ARHGEF12: variants seen among roughly 807,000 people sequenced by gnomAD.
ARHGEF12 encodes the protein KMT2A/ARHGEF12 fusion protein.
In ARHGEF12, 66 loss-of-function variants were observed where a neutral mutation model predicts 211.2. The ratio of observed to expected loss-of-function variants is 0.31; its 90% CI spans 0.26 to 0.38. The LOEUF (loss-of-function observed/expected upper bound fraction) is 0.38, where lower values mean the gene tolerates loss of function less well. ARHGEF12 is among the 10% of genes least tolerant of loss of function. The pLI is 1.00. For missense variants in ARHGEF12, 1,429 were observed against 1,869.5 expected, an observed-to-expected ratio of 0.76 and a Z score of 4.34; for synonymous variants, 592 against 638.4, an observed-to-expected ratio of 0.93 and a Z score of 1.09.
At chr11:120,376,854 T>C (rs1230797384) in intron 1 of ARHGEF12, among the ~76,000 whole-genome samples, 1 of 152,172 alleles carries the variant, frequency 6.6e-6, no homozygotes, top group East Asian at 1.9e-4. Context: ...TCAGATGTTT[T>C]AATTTTTAGC....
In ARHGEF12 at chr11:120,420,682, A is replaced by T. The variant is rs945642060; in HGVS notation, c.200-71A>T. On this transcript the variant is annotated intron_variant, in intron 4 of 40. Coordinates refer to ENST00000397843, the MANE Select transcript of ARHGEF12 (RefSeq NM_015313.3). ...CCAGATGGAACACAGTTTATTACTAATATATAATTATTGTCTTTTCCTTTC... is the reference window on the plus strand; with the variant it reads ...CCAGATGGAACACAGTTTATTACTATTATATAATTATTGTCTTTTCCTTTC... 4 of 1,256,360 alleles carry T rather than the reference A, an allele frequency of 3.2e-6. No homozygotes were observed. In the African/African-American group the frequency reaches 6.0e-5, roughly 19 times the overall value. The allele number at this position is 1,256,360 out of a possible 1,614,324, so 77.8% of individuals were successfully genotyped here.
At chr11:120,393,321 A>G (rs555751297) in intron 1 of ARHGEF12, among the ~76,000 whole-genome samples, 2 of 152,336 alleles carry the variant, frequency 1.3e-5, no homozygotes, top group South Asian at 4.1e-4. Context: ...AAGATGATAG[A>G]CTTAAATACA....
At chr11:120,460,616 G>A (rs1287860522) in intron 26 of ARHGEF12, 56 bp from the exon 27 acceptor site, 2 of 1,461,398 alleles carry the variant, frequency 1.4e-6, no homozygotes, top group African/African-American at 1.4e-5. Context: ...TGTACTACCA[G>A]TAATTCTGTC....
At chr11:120,484,760 G>T (rs527600022) in intron 40 of ARHGEF12, among the ~76,000 whole-genome samples, 1 of 152,282 alleles carries the variant, frequency 6.6e-6, no homozygotes, top group East Asian at 1.9e-4. Context: ...CAAAGCAGAA[G>T]GCAGAGCAGT....
intron 4 of ARHGEF12, among the ~76,000 whole-genome samples, chr11:120,413,883 G>A (rs148592775): frequency 6.6e-6 from 1 of 152,280 alleles, no homozygotes; most frequent in African/African-American, 2.4e-5. Flanking sequence ...TAATATGGAA[G>A]ATTTAACAGG....
intron 1 of ARHGEF12, among the ~76,000 whole-genome samples, chr11:120,382,407 AGTT>A (rs1489845478): frequency 1.3e-5 from 2 of 152,358 alleles, no homozygotes; most frequent in East Asian, 3.9e-4. Context: ...AATAAACTAC[AGTT>A]TTAAAAATCC....
At chr11:120,357,027 T>TG (rs1178077612) in intron 1 of ARHGEF12, among the ~76,000 whole-genome samples, 38 of 151,376 alleles carry the variant, frequency 2.5e-4, no homozygotes, top group African/African-American at 8.0e-4. Flanking sequence ...TTTTTTTTTG[T>TG]TTTGTTTTGT....
intron 28 of ARHGEF12, among the ~76,000 whole-genome samples, chr11:120,465,787 A>T (rs533007729): frequency 2.0e-5 from 3 of 152,282 alleles, no homozygotes; most frequent in African/African-American, 7.2e-5. Context: ...TAAAAGCAAT[A>T]CATTATCTCT....
chr11:120,443,749 C>G (rs1945954382), intron 15 of ARHGEF12, among the ~76,000 whole-genome samples: 1 of 152,072 alleles, frequency 6.6e-6, no homozygotes, highest in Non-Finnish European at 1.5e-5. Flanking sequence ...ACGAATTCAA[C>G]TAACCATGGT....
chr11:120,366,376 T>C (rs1428450469), intron 1 of ARHGEF12, among the ~76,000 whole-genome samples: 1 of 152,176 alleles, frequency 6.6e-6, no homozygotes, highest in African/African-American at 2.4e-5. Flanking sequence ...CAGGCTGGTC[T>C]CCAACTTCTG....
intron 15 of ARHGEF12, among the ~76,000 whole-genome samples, chr11:120,444,168 T>C (rs552516640): frequency 8.8e-4 from 134 of 152,200 alleles, no homozygotes; most frequent in Non-Finnish European, 1.8e-3. Context: ...TGAATTAGTG[T>C]TCTGATCCTA....
chr11:120,440,722 A>G (rs1945843325), intron 13 of ARHGEF12, among the ~76,000 whole-genome samples: 1 of 152,116 alleles, frequency 6.6e-6, no homozygotes, highest in South Asian at 2.1e-4. Context: ...ACTGGCTAGG[A>G]CTTCCACTAT....
At chr11:120,437,253 A>G (rs190697936) in intron 11 of ARHGEF12, 55 bp from the exon 12 acceptor site, 5 of 1,249,436 alleles carry the variant, frequency 4.0e-6, no homozygotes, top group Admixed American at 4.6e-5. Flanking sequence ...TTTTTCCCTC[A>G]TCTCCTTTTG....
intron 20 of ARHGEF12, 168 bp from the exon 21 acceptor site, chr11:120,448,941 G>A: frequency 1.7e-6 from 1 of 577,158 alleles, no homozygotes; most frequent in Non-Finnish European, 3.1e-6. Flanking sequence ...AGGTGTACAC[G>A]GTACTGTGTG....
intron 4 of ARHGEF12, among the ~76,000 whole-genome samples, chr11:120,416,049 A>T (rs1416572409): frequency 6.6e-6 from 1 of 152,224 alleles, no homozygotes; most frequent in East Asian, 1.9e-4. Flanking sequence ...GAAGGTTATC[A>T]GACTGAGACT....
intron 1 of ARHGEF12, among the ~76,000 whole-genome samples, chr11:120,355,028 GCA>G (rs1201143387): frequency 1.3e-5 from 2 of 152,252 alleles, no homozygotes; most frequent in East Asian, 3.9e-4. Flanking sequence ...CACACTGTTA[GCA>G]CTAAGGAGAA....
intron 22 of ARHGEF12, among the ~76,000 whole-genome samples, chr11:120,452,935 G>A (rs913573248): frequency 6.6e-6 from 1 of 151,792 alleles, no homozygotes; most frequent in African/African-American, 2.4e-5. Flanking sequence ...GGTGGGTGGA[G>A]GTTGCAGTGA....
chr11:120,486,778 C>T lies in ARHGEF12; in HGVS notation c.*1701C>T. On this transcript the variant is annotated 3_prime_UTR_variant, in exon 41 of 41. Transcript: ENST00000397843. ...TTTTATAAACACCACTGCAACTTAACAAGTTTATTTATCTATGTCCAGATT... is the reference window on the plus strand; with the variant it reads ...TTTTATAAACACCACTGCAACTTAATAAGTTTATTTATCTATGTCCAGATT... 1 of 217,762 alleles carries T rather than the reference C, an allele frequency of 4.6e-6. No homozygotes were observed. Among genetic ancestry groups the T allele is most frequent in the African/African-American group, 2.2e-5 (1 of 44,656 alleles). 13.5% of individuals were successfully genotyped at this position (217,762 alleles called of 1,614,324 possible).
chr11:120,383,624 T>G (rs1943940368), intron 1 of ARHGEF12, among the ~76,000 whole-genome samples: 1 of 152,138 alleles, frequency 6.6e-6, no homozygotes, highest in African/African-American at 2.4e-5. Flanking sequence ...CCTGCTCCTC[T>G]GAGCATCTAA....
Sources: allele counts gnomAD v4.1 joint callset (sites outside exome capture counted in the v4.1 genomes callset), GRCh38; gene constraint gnomAD v4.1.1; transcripts MANE v1.5; gene names NCBI Gene and HGNC (gene_info 2026-07-23, HGNC 2026-07-21).